HNF4G: variants seen among roughly 807,000 people sequenced by gnomAD.
HNF4G encodes the protein hepatocyte nuclear factor 4-gamma.
Under a neutral mutation model 50.9 loss-of-function variants are expected in HNF4G, and 21 were observed. The observed-to-expected ratio is 0.41, with a 90% CI of 0.29 to 0.59. The LOEUF (loss-of-function observed/expected upper bound fraction) is 0.59, where lower values mean the gene tolerates loss of function less well. Among genes scored for constraint, HNF4G ranks in the 20% least tolerant of loss-of-function variants. The probability of loss-of-function intolerance (pLI) is 0.26; values close to 1 mark genes in which losing one functional copy is unlikely to be tolerated. For synonymous variants in HNF4G, 198 were observed against 185.6 expected, an observed-to-expected ratio of 1.07 and a Z score of -0.54; for missense variants, 527 against 559.4, an observed-to-expected ratio of 0.94 and a Z score of 0.58.
In HNF4G at chr8:75,432,413, T is replaced by C. The variant is rs1033974608; in HGVS notation, c.-144+24251T>C. ...CTCACTGCAACCTCCACCTCCTGGG[T>C]TCAAGCGATTCTTGTGCCTCAGCCT... On this transcript the variant is annotated intron_variant, in intron 1 of 10. Transcript: ENST00000354370. Among the ~76,000 whole-genome samples, 15 of 151,962 alleles carry C rather than the reference T, an allele frequency of 9.9e-5. 1 individual carries two copies. Among genetic ancestry groups the C allele is most frequent in the Non-Finnish European group, 1.5e-4 (10 of 67,980 alleles).
chr8:75,431,370 T>G (rs1461899903), intron 1 of HNF4G, among the ~76,000 whole-genome samples: 1 of 152,186 alleles, frequency 6.6e-6, no homozygotes, highest in Non-Finnish European at 1.5e-5. Context: ...AAAACAAATC[T>G]TAAGTTAATT....
chr8:75,492,751 G>A (rs1244860337), intron 2 of HNF4G, among the ~76,000 whole-genome samples: 2 of 151,976 alleles, frequency 1.3e-5, no homozygotes, highest in East Asian at 3.9e-4. Flanking sequence ...CTTACACAGT[G>A]GCTCATCCTA....
At chr8:75,436,428 A>T (rs1377030172) in intron 1 of HNF4G, among the ~76,000 whole-genome samples, 1 of 152,214 alleles carries the variant, frequency 6.6e-6, no homozygotes, top group Non-Finnish European at 1.5e-5. Flanking sequence ...ACGTATTGTT[A>T]GTTTAGAAAT....
intron 5 of HNF4G, among the ~76,000 whole-genome samples, chr8:75,554,169 A>G (rs894579992): frequency 3.3e-5 from 5 of 152,310 alleles, no homozygotes; most frequent in African/African-American, 1.2e-4. Flanking sequence ...GAATATTGAC[A>G]TACCATAAAG....
intron 4 of HNF4G, among the ~76,000 whole-genome samples, chr8:75,552,165 T>G (rs1207683866): frequency 6.6e-6 from 1 of 152,156 alleles, no homozygotes; most frequent in Non-Finnish European, 1.5e-5. Context: ...GCCAAGTAGT[T>G]AATCAGGTCC....
At position 75,565,614 on chromosome 8, in the gene HNF4G, G is replaced by A. The variant is rs1807441454; in HGVS notation, c.*1518G>A. 6.6e-6 allele frequency: 1 copy of A among 152,072 alleles called. No homozygotes were observed. Among genetic ancestry groups the A allele is most frequent in the South Asian group, 2.1e-4 (1 of 4,820 alleles). 9.4% of individuals were successfully genotyped at this position (152,072 alleles called of 1,614,324 possible). ...ATGATGCAGTGGCTCCTCTCTGGTTGAGGAGAGGGAAAATTGGAAAAACTG... is the reference window on the plus strand; with the variant it reads ...ATGATGCAGTGGCTCCTCTCTGGTTAAGGAGAGGGAAAATTGGAAAAACTG... On this transcript the variant is annotated 3_prime_UTR_variant, in exon 10 of 10. Coordinates refer to ENST00000396423, the MANE Select transcript of HNF4G (RefSeq NM_004133.5).
At chr8:75,516,167 CTT>C (rs1805884208) in intron 2 of HNF4G, among the ~76,000 whole-genome samples, 1 of 152,242 alleles carries the variant, frequency 6.6e-6, no homozygotes, top group Non-Finnish European at 1.5e-5. Flanking sequence ...CTGGGCATCA[CTT>C]AGCCCAGTCA....
At chr8:75,531,894 G>T (rs1515016) in intron 2 of HNF4G, among the ~76,000 whole-genome samples, 99,973 of 151,866 alleles carry the variant, frequency 0.66, 34,807 homozygotes, top group African/African-American at 0.9. Context: ...TGTATTCATT[G>T]GCCATATACA....
At chr8:75,558,699 T>C in intron 7 of HNF4G, 29 bp downstream of exon 7, 1 of 1,594,564 alleles carries the variant, frequency 6.3e-7, no homozygotes, top group Non-Finnish European at 8.6e-7. Flanking sequence ...ACTAGAGAAT[T>C]AATATAATAA....
chr8:75,497,947 C>G (rs964730875), intron 2 of HNF4G, among the ~76,000 whole-genome samples: 1 of 151,488 alleles, frequency 6.6e-6, no homozygotes, highest in African/African-American at 2.4e-5. Context: ...TAATAGAGAC[C>G]CTACTGAAAT....
chr8:75,511,693 C>A (rs1319354321), intron 2 of HNF4G, among the ~76,000 whole-genome samples: 2 of 152,232 alleles, frequency 1.3e-5, no homozygotes, highest in Non-Finnish European at 1.5e-5. Flanking sequence ...CGGGTTCACG[C>A]CATTCTCCTG....
At position 75,454,016 on chromosome 8, in the gene HNF4G, A is replaced by C. The variant is rs182355362; in HGVS notation, c.-143-36073A>C. Among the ~76,000 whole-genome samples the C allele has an allele frequency of 4.4e-3, 663 of 149,946 alleles. 6 individuals are homozygous for C. The highest frequency in any genetic ancestry group is 7.5e-3 in the Non-Finnish European group (505 of 67,728). ...TCATGAGATTAATTGCTTTATAAGA[A>C]GAAGAAATTTCTCTCTCTCTCTCTC... On this transcript the variant is annotated intron_variant, in intron 1 of 10. Transcript: ENST00000354370.
At chr8:75,423,551 G>A (rs1810822226) in intron 1 of HNF4G, among the ~76,000 whole-genome samples, 1 of 151,504 alleles carries the variant, frequency 6.6e-6, no homozygotes, top group Admixed American at 6.6e-5. Context: ...ACTACGCCTG[G>A]CTAATTTTTT....
Position 75,553,183 on chromosome 8 carries a change from C to A in HNF4G, c.631C>A (p.Pro211Thr). ...ATATATTCCTGCCTTCTGTGAATTACCATTGGATGATCAGGTACACATTTA... is the reference window on the plus strand; with the variant it reads ...ATATATTCCTGCCTTCTGTGAATTAACATTGGATGATCAGGTACACATTTA... Reference protein sequence around the residue: ...AKYIPAFCELPLDDQVALLRA... With the variant: ...AKYIPAFCELTLDDQVALLRA... Residue 211 changes from proline to threonine, a missense_variant, in exon 5 of 10, where the codon CCA becomes ACA. Physicochemically the swap from Pro to Thr is conservative, Grantham distance 38. Around this residue, in one of 5 missense-constraint regions of HNF4G, gnomAD observed 308 missense variants for 301.5 expected, o/e 1.02. Transcript: ENST00000396423. The A allele has an allele frequency of 6.2e-7, 1 of 1,612,038 alleles. No homozygotes were observed. The highest frequency in any genetic ancestry group is 8.5e-7 in the Non-Finnish European group (1 of 1,178,766).
At chr8:75,460,397 C>T (rs144779430) in intron 1 of HNF4G, among the ~76,000 whole-genome samples, 153 of 152,294 alleles carry the variant, frequency 1.0e-3, no homozygotes, top group Middle Eastern at 3.4e-3. Context: ...CCAGCATTAA[C>T]CTTCCAAACC....
chr8:75,481,030 T>C (rs2130657123), intron 1 of HNF4G, among the ~76,000 whole-genome samples: 1 of 152,286 alleles, frequency 6.6e-6, no homozygotes, highest in South Asian at 2.1e-4. Context: ...TCTCATTTTC[T>C]CACCAGAGGA....
intron 1 of HNF4G, among the ~76,000 whole-genome samples, chr8:75,421,147 GA>G (rs1259592139): frequency 6.6e-6 from 1 of 152,100 alleles, no homozygotes; most frequent in Non-Finnish European, 1.5e-5. Context: ...TTATTAATGA[GA>G]AAAAACAAAG....
At chr8:75,472,365 C>G (rs573634037) in intron 1 of HNF4G, among the ~76,000 whole-genome samples, 42 of 152,284 alleles carry the variant, frequency 2.8e-4, no homozygotes, top group African/African-American at 8.2e-4. Context: ...TCCTGGCCCA[C>G]TTTGAAATCT....
intron 1 of HNF4G, among the ~76,000 whole-genome samples, chr8:75,473,545 A>AG (rs777208546): frequency 3.6e-4 from 55 of 152,314 alleles, no homozygotes; most frequent in Admixed American, 7.2e-4. Flanking sequence ...GCTAAATCTG[A>AG]GGTGAAGAGA....
Sources: allele counts gnomAD v4.1 joint callset (sites outside exome capture counted in the v4.1 genomes callset), GRCh38; gene constraint gnomAD v4.1.1; regional missense constraint gnomAD v4.1.1; transcripts MANE v1.5; gene names NCBI Gene and HGNC (gene_info 2026-07-23, HGNC 2026-07-21).